The following GADL1 variants were observed in gnomAD, a reference collection of about 807,000 sequenced individuals.
GADL1 encodes GAD like acidic amino acid decarboxylase 1, also known as acidic amino acid decarboxylase GADL1.
GADL1 carries 71 observed loss-of-function variants against 69.5 expected under a neutral mutation model. The ratio of observed to expected loss-of-function variants is 1.02; its 90% CI spans 0.84 to 1.25. The LOEUF is 1.25. GADL1 is among the 50% of genes most tolerant of loss of function. GADL1 has a pLI of 0.00. For missense variants in GADL1, 737 were observed against 631.8 expected (o/e 1.17, Z -1.79); for synonymous variants, 254 against 214.4 (o/e 1.18, Z -1.62).
intron 1 of GADL1, among the ~76,000 whole-genome samples, chr3:30,877,748 T>C (rs549974934): frequency 6.6e-6 from 1 of 152,050 alleles, no homozygotes; most frequent in East Asian, 1.9e-4. Context: ...GGAAGGACTT[T>C]GATTTGACTT....
intron 14 of GADL1, among the ~76,000 whole-genome samples, chr3:30,734,170 C>G (rs1695507372): frequency 6.6e-6 from 1 of 152,182 alleles, no homozygotes; most frequent in African/African-American, 2.4e-5. Flanking sequence ...AATTTAAGGT[C>G]TTCAGAACCA....
chr3:30,886,137 T>C (rs1019446182), intron 1 of GADL1, among the ~76,000 whole-genome samples: 1 of 152,148 alleles, frequency 6.6e-6, no homozygotes, highest in Non-Finnish European at 1.5e-5. Context: ...AACTAATTGG[T>C]AAATGACAAC....
At chr3:30,878,168 G>T (rs948032474) in intron 1 of GADL1, among the ~76,000 whole-genome samples, 1 of 151,916 alleles carries the variant, frequency 6.6e-6, no homozygotes, top group African/African-American at 2.4e-5. Context: ...CTGGTTAAAT[G>T]ATACTCTCAG....
intron 11 of GADL1, among the ~76,000 whole-genome samples, chr3:30,803,962 G>T (rs774660700): frequency 3.3e-5 from 5 of 152,050 alleles, no homozygotes; most frequent in Non-Finnish European, 7.4e-5. Flanking sequence ...ATCCTAGCAG[G>T]ACAATAAATA....
chr3:30,768,455 G>A (rs185424354), intron 14 of GADL1, among the ~76,000 whole-genome samples: 1 of 151,226 alleles, frequency 6.6e-6, no homozygotes, highest in East Asian at 2.0e-4. Flanking sequence ...AGGAAAAATT[G>A]TCATTTATTT....
At chr3:30,782,386 A>G (rs909217520) in intron 13 of GADL1, among the ~76,000 whole-genome samples, 3 of 152,144 alleles carry the variant, frequency 2.0e-5, no homozygotes, top group Non-Finnish European at 2.9e-5. Flanking sequence ...GGAGAAGACT[A>G]AGCATTCAAG....
intron 1 of GADL1, among the ~76,000 whole-genome samples, chr3:30,888,372 TA>T (rs2125547445): frequency 6.6e-6 from 1 of 152,262 alleles, no homozygotes; most frequent in South Asian, 2.1e-4. Flanking sequence ...GCATACCTCA[TA>T]ATTCAAAAAA....
intron 14 of GADL1, among the ~76,000 whole-genome samples, chr3:30,738,975 A>G (rs1695577447): frequency 6.6e-6 from 1 of 152,076 alleles, no homozygotes; most frequent in Non-Finnish European, 1.5e-5. Flanking sequence ...TTCTCTTTTG[A>G]TTTATTCCAC....
At chr3:30,735,457 G>C (rs1299138598) in intron 14 of GADL1, among the ~76,000 whole-genome samples, 1 of 152,122 alleles carries the variant, frequency 6.6e-6, no homozygotes, top group African/African-American at 2.4e-5. Context: ...ATACTACTCA[G>C]CAATTAAAGG....
chr3:30,801,112 G>A lies in GADL1; in HGVS notation c.1051-24C>T, dbSNP rs557015769. ...TCCTTCGAAAAAGAAAAGATTACAAGACTGTTAAACTTTAGAATATAACTT... is the reference window on the plus strand; with the variant it reads ...TCCTTCGAAAAAGAAAAGATTACAAAACTGTTAAACTTTAGAATATAACTT... On this transcript the variant is annotated intron_variant, in intron 11 of 14. Transcript: ENST00000282538. The A allele has an allele frequency of 5.9e-5, 92 of 1,561,728 alleles. 2 individuals are homozygous for A. In the East Asian group the frequency reaches 7.2e-4, roughly 12 times the overall value.
At chr3:30,829,125 A>T (rs1213063537) in intron 11 of GADL1, among the ~76,000 whole-genome samples, 2 of 151,214 alleles carry the variant, frequency 1.3e-5, no homozygotes, top group African/African-American at 4.9e-5. Context: ...ACTGTCTTTG[A>T]TCCAAAACAG....
chr3:30,886,804 G>C (rs1401432538), intron 1 of GADL1, among the ~76,000 whole-genome samples: 1 of 152,216 alleles, frequency 6.6e-6, no homozygotes, highest in Non-Finnish European at 1.5e-5. Context: ...GCTCCTGGCA[G>C]GCAGCATAAG....
chr3:30,788,938 T>C (rs959708179), intron 12 of GADL1, among the ~76,000 whole-genome samples: 1 of 151,464 alleles, frequency 6.6e-6, no homozygotes, highest in African/African-American at 2.5e-5. Flanking sequence ...CTTCCTTCCC[T>C]GAAGTCTTAT....
At chr3:30,765,496 A>C (rs535640377) in intron 14 of GADL1, among the ~76,000 whole-genome samples, 3 of 152,368 alleles carry the variant, frequency 2.0e-5, no homozygotes, top group African/African-American at 7.2e-5. Context: ...ATGTGATAAC[A>C]TTGTGAAAAC....
chr3:30,822,010 T>C (rs1697588528), intron 11 of GADL1, among the ~76,000 whole-genome samples: 1 of 152,138 alleles, frequency 6.6e-6, no homozygotes, highest in Admixed American at 6.6e-5. Flanking sequence ...ACATTTCCTG[T>C]AGTTGATATG....
At chr3:30,763,467 A>G (rs1421315753) in intron 14 of GADL1, among the ~76,000 whole-genome samples, 2 of 125,360 alleles carry the variant, frequency 1.6e-5, no homozygotes, top group East Asian at 5.3e-4. Context: ...ATGCCACCTC[A>G]CTCCAGCCTG....
At chr3:30,735,316 T>C (rs1230602399) in intron 14 of GADL1, among the ~76,000 whole-genome samples, 2 of 152,210 alleles carry the variant, frequency 1.3e-5, no homozygotes, top group Admixed American at 6.5e-5. Flanking sequence ...CTTCTTTACA[T>C]TGGTGTTTTG....
At chr3:30,757,540 T>C (rs1396848300) in intron 14 of GADL1, among the ~76,000 whole-genome samples, 1 of 152,260 alleles carries the variant, frequency 6.6e-6, no homozygotes, top group East Asian at 1.9e-4. Context: ...AATGTAATGC[T>C]ATTAGTAAAT....
chr3:30,813,004 G>A (rs1412896249), intron 11 of GADL1, among the ~76,000 whole-genome samples: 3 of 152,208 alleles, frequency 2.0e-5, no homozygotes, highest in South Asian at 2.1e-4. Context: ...ATGCAGTGAG[G>A]AAGCCTGGAG....
Sources: allele counts gnomAD v4.1 joint callset (sites outside exome capture counted in the v4.1 genomes callset), GRCh38; gene constraint gnomAD v4.1.1; transcripts MANE v1.5; gene names NCBI Gene and HGNC (gene_info 2026-07-23, HGNC 2026-07-21).